SPTLC2: variants seen among roughly 807,000 people sequenced by gnomAD.
The protein encoded by SPTLC2 is serine palmitoyltransferase 2.
In SPTLC2, 21 loss-of-function variants were observed where a neutral mutation model predicts 62.0. The observed-to-expected ratio is 0.34, with a 90% CI of 0.24 to 0.49. The LOEUF (loss-of-function observed/expected upper bound fraction) is 0.49. SPTLC2 is among the 20% of genes least tolerant of loss of function. The probability of loss-of-function intolerance (pLI) is 0.99; values close to 1 mark genes in which losing one functional copy is unlikely to be tolerated. For synonymous variants in SPTLC2, 261 were observed against 261.8 expected (o/e 1.00, Z 0.03); for missense variants, 511 against 713.0 (o/e 0.72, Z 3.23).
intron 1 of SPTLC2, among the ~76,000 whole-genome samples, chr14:77,598,843 G>A (rs2079862282): frequency 6.6e-6 from 1 of 151,786 alleles, no homozygotes; most frequent in African/African-American, 2.4e-5. Flanking sequence ...AGATAGGTGG[G>A]AGGATCACCT....
At chr14:77,598,856 G>A (rs11844390) in intron 1 of SPTLC2, among the ~76,000 whole-genome samples, 3,623 of 151,106 alleles carry the variant, frequency 0.024, 141 homozygotes, top group African/African-American at 0.084. Flanking sequence ...GATCACCTGA[G>A]CCCAGAAGGT....
At chr14:77,571,648 C>A (rs188194435) in intron 4 of SPTLC2, among the ~76,000 whole-genome samples, 1 of 152,168 alleles carries the variant, frequency 6.6e-6, no homozygotes. Flanking sequence ...GAATGCTAAA[C>A]TTGGATGCCA....
At chr14:77,590,142 A>T (rs1228810625) in intron 2 of SPTLC2, among the ~76,000 whole-genome samples, 5 of 151,992 alleles carry the variant, frequency 3.3e-5, no homozygotes, top group Non-Finnish European at 7.4e-5. Flanking sequence ...CACCCAGCTA[A>T]TTTTTTAATT....
chr14:77,559,733 T>C (rs772995322), intron 6 of SPTLC2, among the ~76,000 whole-genome samples: 43 of 151,822 alleles, frequency 2.8e-4, no homozygotes, highest in Non-Finnish European at 5.2e-4. Flanking sequence ...CTATAAAAAA[T>C]AAAAAACACT....
chr14:77,547,297 G>A (rs183949041), intron 9 of SPTLC2, among the ~76,000 whole-genome samples: 2 of 152,090 alleles, frequency 1.3e-5, no homozygotes, highest in East Asian at 3.9e-4. Flanking sequence ...ACAAAACTGT[G>A]CTTACCAGAA....
In SPTLC2 at chr14:77,512,329, C is replaced by T; in HGVS notation, c.1644G>A (p.Leu548=). Residue 548 remains leucine, a synonymous_variant, in exon 12 of 12, where the codon CTG becomes CTA. Coordinates refer to ENST00000216484, the MANE Select transcript of SPTLC2 (RefSeq NM_004863.4). ...ACGTCGTCTCGTCAAAGGGCCTGTC[C>T]AGTAGAGGTACCAACCGATGACGGG... is the stretch of plus-strand genomic sequence containing the variant. ...KYSRHRLVPL[L]DRPFDETTYE... The T allele has an allele frequency of 6.2e-7, 1 of 1,614,208 alleles. No individual in the cohort carries two copies. The highest frequency in any genetic ancestry group is 1.7e-5 in the Admixed American group (1 of 60,026).
intron 8 of SPTLC2, among the ~76,000 whole-genome samples, chr14:77,553,394 T>C (rs943541159): frequency 1.3e-5 from 2 of 152,120 alleles, no homozygotes; most frequent in African/African-American, 2.4e-5. Context: ...CTCTCCAAAG[T>C]GAGCCTGGTC....
rs769126761 is a variant in SPTLC2, at chr14:77,511,780, T to C, written c.*504A>G. ...AAGGGTGAAAACTTCCGTTGATTAC[T>C]TGAATGGTTAAATAAGGATTCCAAG... On this transcript the variant is annotated 3_prime_UTR_variant, in exon 12 of 12. Transcript: ENST00000216484. The C allele has an allele frequency of 5.5e-6, 1 of 180,720 alleles. No individual in the cohort carries two copies. The highest frequency in any genetic ancestry group is 1.4e-4 in the East Asian group (1 of 7,380). 11.2% of individuals were successfully genotyped at this position (180,720 alleles called of 1,614,324 possible).
chr14:77,552,976 T>C (rs2079563725), intron 8 of SPTLC2, among the ~76,000 whole-genome samples: 1 of 152,150 alleles, frequency 6.6e-6, no homozygotes, highest in Non-Finnish European at 1.5e-5. Context: ...AACAGTTCTC[T>C]AACATCAACT....
intron 9 of SPTLC2, among the ~76,000 whole-genome samples, chr14:77,540,764 G>A (rs376349572): frequency 5.9e-5 from 9 of 152,048 alleles, no homozygotes; most frequent in South Asian, 2.1e-4. Flanking sequence ...GTGAGCCACC[G>A]CACCCAGCAC....
At chr14:77,596,331 T>TC (rs2079847241) in intron 2 of SPTLC2, among the ~76,000 whole-genome samples, 1 of 132,556 alleles carries the variant, frequency 7.5e-6, no homozygotes. Flanking sequence ...AGAGCAAGAC[T>TC]TGTCTCAAAA....
rs140918232 is a variant in SPTLC2 at position 77,509,564 on chromosome 14, CAG to C, written c.*2718_*2719del. The stretch of plus-strand genomic sequence containing the variant: ...TAACCGGTATCTGTTTGAATCCTAT[CAG>C]AGTCTTGAATCAGGCCGTGTTAAAC... On this transcript the variant is annotated 3_prime_UTR_variant, in exon 12 of 12. Transcript: ENST00000216484. The C allele has an allele frequency of 0.057, 14,196 of 247,964 alleles. 448 individuals are homozygous for C. Among genetic ancestry groups the C allele is most frequent in the Middle Eastern group, 0.09 (75 of 834 alleles). The allele number at this position is 247,964 out of a possible 1,614,324, so 15.4% of individuals were successfully genotyped here.
intron 9 of SPTLC2, among the ~76,000 whole-genome samples, chr14:77,533,959 G>A (rs1381005184): frequency 1.3e-5 from 2 of 152,040 alleles, no homozygotes; most frequent in African/African-American, 4.8e-5. Flanking sequence ...AGGAGTTCAA[G>A]ACCAGCCTGG....
At chr14:77,587,277 T>C (rs2079787096) in intron 2 of SPTLC2, among the ~76,000 whole-genome samples, 1 of 151,732 alleles carries the variant, frequency 6.6e-6, no homozygotes, top group East Asian at 1.9e-4. Flanking sequence ...TACAAACCAG[T>C]ACAATAACTT....
intron 4 of SPTLC2, among the ~76,000 whole-genome samples, chr14:77,573,045 T>C (rs748828622): frequency 2.0e-5 from 3 of 152,232 alleles, no homozygotes; most frequent in Non-Finnish European, 4.4e-5. Context: ...GAACTTTTTT[T>C]GCATTCACAA....
chr14:77,609,863 G>GT (rs1055333499), intron 1 of SPTLC2, among the ~76,000 whole-genome samples: 2 of 152,116 alleles, frequency 1.3e-5, no homozygotes, highest in African/African-American at 4.8e-5. Context: ...CTGGGTAACA[G>GT]TAACACCCTG....
chr14:77,536,923 C>A (rs1379609281), intron 9 of SPTLC2, among the ~76,000 whole-genome samples: 1 of 149,168 alleles, frequency 6.7e-6, no homozygotes, highest in Non-Finnish European at 1.5e-5. Context: ...ATTCCCCCAC[C>A]CCCCCACTTC....
rs4903606 is a variant in SPTLC2, at chr14:77,570,592, A to G, written c.632-84T>C. 0.61 allele frequency: 945,452 copies of G among 1,541,818 alleles called. 295,819 individuals are homozygous for G. The highest frequency in any genetic ancestry group is 0.93 in the East Asian group (41,063 of 44,162). On this transcript the variant is annotated intron_variant, in intron 4 of 11. Transcript: ENST00000216484. ...TCACTTTATTAAAAGAAATCATAGTATATGTGTTGTGTCCTTTTCAGACTA... is the reference window on the plus strand; with the variant it reads ...TCACTTTATTAAAAGAAATCATAGTGTATGTGTTGTGTCCTTTTCAGACTA...
At chr14:77,565,720 G>T (rs1429865961) in intron 5 of SPTLC2, among the ~76,000 whole-genome samples, 2 of 152,216 alleles carry the variant, frequency 1.3e-5, no homozygotes, top group Non-Finnish European at 2.9e-5. Context: ...TAAAGACAAT[G>T]TGGATCCTCA....
Sources: gnomAD v4.1 joint callset for allele counts (sites outside exome capture counted in the v4.1 genomes callset) on GRCh38, gnomAD v4.1.1 for gene constraint, MANE v1.5 for transcripts, NCBI Gene and HGNC (gene_info 2026-07-23, HGNC 2026-07-21) for gene names.